TFAP2D: variants seen among roughly 807,000 people sequenced by gnomAD.
TFAP2D encodes transcription factor AP-2 delta.
TFAP2D carries 9 observed loss-of-function variants against 43.6 expected under a neutral mutation model. The observed-to-expected ratio is 0.21, with a 90% CI of 0.12 to 0.36. The LOEUF (loss-of-function observed/expected upper bound fraction) is 0.36. TFAP2D is among the 10% of genes least tolerant of loss of function. TFAP2D has a pLI of 1.00. For missense variants in TFAP2D, 513 were observed against 561.4 expected (o/e 0.91, Z 0.87); for synonymous variants, 256 against 224.9 (o/e 1.14, Z -1.24).
chr6:50,714,527 G>A (rs1021090439), intron 1 of TFAP2D, among the ~76,000 whole-genome samples: 1 of 152,114 alleles, frequency 6.6e-6, no homozygotes, highest in Non-Finnish European at 1.5e-5. Context: ...GAGGGAGTCG[G>A]ATTCCCTCCC....
chr6:50,769,592 T>TA (rs1485380014), intron 7 of TFAP2D, among the ~76,000 whole-genome samples: 7 of 152,206 alleles, frequency 4.6e-5, no homozygotes, highest in Non-Finnish European at 1.0e-4. Context: ...GCTTGATTTT[T>TA]AAAAACCCTG....
intron 2 of TFAP2D, chr6:50,718,089 A>G (rs1768655773): frequency 6.6e-6 from 1 of 151,636 alleles, no homozygotes; most frequent in African/African-American, 2.4e-5. Flanking sequence ...ACCTTTTCCC[A>G]TCACCGCTTT....
intron 5 of TFAP2D, 44 bp downstream of exon 5, chr6:50,729,356 T>G: frequency 6.5e-7 from 1 of 1,541,158 alleles, no homozygotes; most frequent in African/African-American, 1.4e-5. Flanking sequence ...AAGGTTGGCG[T>G]GTCTTTGAAA....
chr6:50,718,925 T>G (rs1768670217), intron 2 of TFAP2D, among the ~76,000 whole-genome samples, 165 bp from the exon 3 acceptor site: 1 of 152,248 alleles, frequency 6.6e-6, no homozygotes, highest in South Asian at 2.1e-4. Flanking sequence ...TCTTGCAATT[T>G]TTTAAAAAAT....
At position 50,715,423 on chromosome 6, in the gene TFAP2D, T is replaced by C; in HGVS notation, c.347T>C (p.Leu116Pro). Residue 116 changes from leucine to proline, a missense_variant, in exon 2 of 8, where the codon CTG (leucine) becomes CCG (proline). This residue lies in a region of TFAP2D where 311 missense variants were observed against 316.2 expected (regional missense o/e 0.98). Transcript: ENST00000008391. ...GGGGAGCCCACCGACTTTATTAACC[T>C]GCACAATGCGCGGGCGCTCAAGTCG... ...HHGEPTDFIN[L>P]HNARALKSSC... The C allele has an allele frequency of 1.2e-6, 2 of 1,614,134 alleles. No individual in the cohort carries two copies. Among genetic ancestry groups the C allele is most frequent in the Non-Finnish European group, 8.5e-7 (1 of 1,180,034 alleles).
chr6:50,760,009 C>A (rs1401507424), intron 7 of TFAP2D, among the ~76,000 whole-genome samples: 1 of 151,976 alleles, frequency 6.6e-6, no homozygotes, highest in Non-Finnish European at 1.5e-5. Flanking sequence ...CGTTTCATGG[C>A]CAAGTGTTTT....
intron 5 of TFAP2D, among the ~76,000 whole-genome samples, chr6:50,739,582 A>G (rs1769009180): frequency 1.3e-5 from 2 of 152,128 alleles, no homozygotes; most frequent in African/African-American, 4.8e-5. Flanking sequence ...GCCTTCAAGT[A>G]TAGTCTATTT....
At chr6:50,755,416 G>A (rs370977862) in intron 7 of TFAP2D, among the ~76,000 whole-genome samples, 17 of 137,776 alleles carry the variant, frequency 1.2e-4, no homozygotes, top group Admixed American at 5.5e-4. Context: ...TATCAGAATC[G>A]CTCTTGAAAC....
intron 5 of TFAP2D, among the ~76,000 whole-genome samples, chr6:50,736,703 T>C (rs1768967754): frequency 6.6e-6 from 1 of 152,142 alleles, no homozygotes; most frequent in Non-Finnish European, 1.5e-5. Flanking sequence ...ATACTATATA[T>C]ACGTCACTGT....
At chr6:50,770,376 A>G (rs1769509265) in intron 7 of TFAP2D, among the ~76,000 whole-genome samples, 1 of 152,136 alleles carries the variant, frequency 6.6e-6, no homozygotes, top group Non-Finnish European at 1.5e-5. Context: ...TTGCCCAAGC[A>G]TTGGCCATTG....
At chr6:50,726,409 TATC>T (rs1287664271) in intron 3 of TFAP2D, among the ~76,000 whole-genome samples, 1 of 152,202 alleles carries the variant, frequency 6.6e-6, no homozygotes, top group Non-Finnish European at 1.5e-5. Flanking sequence ...TTCTCTCACT[TATC>T]ATAAACTTGA....
At chr6:50,737,025 G>C (rs2114043885) in intron 5 of TFAP2D, among the ~76,000 whole-genome samples, 1 of 152,152 alleles carries the variant, frequency 6.6e-6, no homozygotes, top group Non-Finnish European at 1.5e-5. Context: ...CCGTTGTCCA[G>C]ACTGGAGTGT....
chr6:50,731,608 A>G lies in TFAP2D; in HGVS notation c.883+2296A>G, dbSNP rs528073367. 6.6e-5 allele frequency among the ~76,000 whole-genome samples: 10 copies of G among 152,242 alleles called. No individual in the cohort carries two copies. In the East Asian group the frequency reaches 1.4e-3, roughly 21 times the overall value. ...TGTCGAGTCATGAGTCATGACCTAC[A>G]GTTTTAAAAATTACAAGTTATATTG... is the stretch of plus-strand genomic sequence containing the variant. On this transcript the variant is annotated intron_variant, in intron 5 of 7. Coordinates refer to ENST00000008391, the MANE Select transcript of TFAP2D (RefSeq NM_172238.4).
At chr6:50,751,554 A>G (rs950696558) in intron 7 of TFAP2D, among the ~76,000 whole-genome samples, 2 of 151,928 alleles carry the variant, frequency 1.3e-5, no homozygotes, top group African/African-American at 4.8e-5. Flanking sequence ...GGCAGAGTTA[A>G]TTAGACAAAG....
At chr6:50,752,558 A>G (rs886180581) in intron 7 of TFAP2D, among the ~76,000 whole-genome samples, 2 of 151,948 alleles carry the variant, frequency 1.3e-5, no homozygotes, top group African/African-American at 4.8e-5. Flanking sequence ...AAGTGTTTAA[A>G]TAAGTTGAAA....
At chr6:50,744,487 T>C (rs1184393507) in intron 5 of TFAP2D, among the ~76,000 whole-genome samples, 5 of 152,158 alleles carry the variant, frequency 3.3e-5, no homozygotes, top group Non-Finnish European at 7.4e-5. Context: ...GACTGAGCTT[T>C]AAAAATAACA....
chr6:50,735,696 A>T (rs1239736691), intron 5 of TFAP2D, among the ~76,000 whole-genome samples: 1 of 152,136 alleles, frequency 6.6e-6, no homozygotes. Context: ...AGTAGAAAGA[A>T]ATCCTACCAC....
At chr6:50,756,217 G>A (rs1769263370) in intron 7 of TFAP2D, among the ~76,000 whole-genome samples, 1 of 151,912 alleles carries the variant, frequency 6.6e-6, no homozygotes, top group Non-Finnish European at 1.5e-5. Flanking sequence ...AATTTCGATA[G>A]AACCATTAGC....
At chr6:50,761,248 A>AG (rs921356510) in intron 7 of TFAP2D, among the ~76,000 whole-genome samples, 1 of 151,204 alleles carries the variant, frequency 6.6e-6, no homozygotes, top group African/African-American at 2.4e-5. Context: ...AAGGTGAGGG[A>AG]GAAAAAAGCT....
Sources: allele counts gnomAD v4.1 joint callset (sites outside exome capture counted in the v4.1 genomes callset), GRCh38; gene constraint gnomAD v4.1.1; regional missense constraint gnomAD v4.1.1; transcripts MANE v1.5; gene names NCBI Gene and HGNC (gene_info 2026-07-23, HGNC 2026-07-21).